NHS: variants seen among roughly 807,000 people sequenced by gnomAD.
NHS encodes actin remodeling regulator NHS.
NHS carries 5 observed loss-of-function variants against 72.5 expected under a neutral mutation model. The ratio of observed to expected loss-of-function variants is 0.07; its 90% CI spans 0.04 to 0.14. NHS has a LOEUF of 0.14. Ranked by LOEUF, NHS falls within the 10% of genes least tolerant of loss-of-function variation. NHS has a pLI of 1.00. For missense variants in NHS, 1,072 were observed against 1,355.7 expected (o/e 0.79, Z 3.29); for synonymous variants, 464 against 547.7 (o/e 0.85, Z 2.13).
intron 1 of NHS, among the ~76,000 whole-genome samples, chrX:17,538,371 G>C (rs1382916956): frequency 9.0e-6 from 1 of 111,504 alleles, no homozygotes; most frequent in Non-Finnish European, 1.9e-5. Flanking sequence ...GTTAGGGCCT[G>C]GAGAGGTAAC....
At chrX:17,683,919 C>G (rs2066143969) in intron 1 of NHS, among the ~76,000 whole-genome samples, 1 of 111,516 alleles carries the variant, frequency 9.0e-6, no homozygotes, top group South Asian at 3.8e-4. Context: ...ATGTCCCCAC[C>G]CAAATCTCAT....
intron 1 of NHS, among the ~76,000 whole-genome samples, chrX:17,678,985 C>T (rs1362478465): frequency 9.0e-6 from 1 of 111,107 alleles, no homozygotes; most frequent in East Asian, 2.8e-4. Context: ...GACATGTCAA[C>T]TTTATCTAAT....
intron 1 of NHS, among the ~76,000 whole-genome samples, chrX:17,566,630 TCTCCTGCTCTG>T (rs1266370189): frequency 9.0e-6 from 1 of 111,600 alleles, no homozygotes; most frequent in Non-Finnish European, 1.9e-5. Context: ...TTGTCTTCCA[TCTCCTGCTCTG>T]CTTTGTAAGA....
At chrX:17,434,679 G>A (rs1377322267) in intron 1 of NHS, among the ~76,000 whole-genome samples, 1 of 110,539 alleles carries the variant, frequency 9.0e-6, no homozygotes, top group Non-Finnish European at 1.9e-5. Context: ...TCCTGATCTC[G>A]TGATCCACCT....
intron 1 of NHS, among the ~76,000 whole-genome samples, chrX:17,629,331 G>A (rs1385960113): frequency 9.0e-6 from 1 of 111,601 alleles, no homozygotes; most frequent in African/African-American, 3.3e-5. Flanking sequence ...TCTCTTTTTT[G>A]CAGCACTCCT....
At chrX:17,693,032 A>G (rs2082298001) in intron 3 of NHS, among the ~76,000 whole-genome samples, 1 of 111,867 alleles carries the variant, frequency 8.9e-6, no homozygotes, top group Admixed American at 9.5e-5. Context: ...ACGAAAAATT[A>G]CCATTTGAAG....
chrX:17,421,199 C>G (rs1253322604), intron 1 of NHS, among the ~76,000 whole-genome samples: 4 of 108,239 alleles, frequency 3.7e-5, no homozygotes, highest in Non-Finnish European at 5.7e-5. Flanking sequence ...ATGAGCTGCC[C>G]AGGCAGCCAC....
chrX:17,553,738 G>T (rs1049584598), intron 1 of NHS, among the ~76,000 whole-genome samples: 1 of 111,499 alleles, frequency 9.0e-6, no homozygotes, highest in African/African-American at 3.3e-5. Flanking sequence ...AGCCCATGTG[G>T]CTACCTGGAA....
chrX:17,627,591 A>T (rs745566103), intron 1 of NHS, among the ~76,000 whole-genome samples: 8 of 112,436 alleles, frequency 7.1e-5, no homozygotes. Context: ...TCATCAAGAG[A>T]TGAACCAAAG....
In NHS at chrX:17,583,396, G is replaced by A. The variant is rs74930265; in HGVS notation, c.566-104346G>A. Among the ~76,000 whole-genome samples, 497 of 111,774 alleles carry A rather than the reference G, an allele frequency of 4.4e-3. 1 individual carries two copies. The highest frequency in any genetic ancestry group is 6.5e-3 in the Non-Finnish European group (343 of 53,083). The stretch of plus-strand genomic sequence containing the variant: ...ATGGATCCTCTGAGGATGATGTAAC[G>A]AGCCTCCCAACTTCCAGGTGTTTAC... On this transcript the variant is annotated intron_variant, in intron 1 of 8. Coordinates refer to ENST00000676302, the MANE Select transcript of NHS (RefSeq NM_001291867.2).
chrX:17,450,602 G>T (rs1215686546), intron 1 of NHS, among the ~76,000 whole-genome samples: 2 of 112,234 alleles, frequency 1.8e-5, no homozygotes, highest in Non-Finnish European at 3.8e-5. Context: ...TGGGCCGGGC[G>T]TGGTGGCTCA....
intron 1 of NHS, among the ~76,000 whole-genome samples, chrX:17,452,699 C>G (rs1182190384): frequency 9.0e-6 from 1 of 111,441 alleles, no homozygotes; most frequent in African/African-American, 3.3e-5. Context: ...ATTTTCAAGC[C>G]ACATCATTGG....
intron 3 of NHS, among the ~76,000 whole-genome samples, chrX:17,702,716 C>T (rs890132090): frequency 4.5e-5 from 5 of 111,497 alleles, no homozygotes; most frequent in Non-Finnish European, 9.4e-5. Context: ...TGCTATACAA[C>T]CAAAAGGGGA....
At chrX:17,458,689 C>T (rs918908073) in intron 1 of NHS, among the ~76,000 whole-genome samples, 11 of 111,555 alleles carry the variant, frequency 9.9e-5, no homozygotes, top group African/African-American at 2.9e-4. Flanking sequence ...GTTGGGGTTT[C>T]GCCATGTTAG....
chrX:17,427,370 G>A (rs954291506), intron 1 of NHS, among the ~76,000 whole-genome samples: 4 of 112,133 alleles, frequency 3.6e-5, no homozygotes, highest in Admixed American at 9.4e-5. Flanking sequence ...GCCAAAATAC[G>A]TGTCTCTGGG....
intron 1 of NHS, among the ~76,000 whole-genome samples, chrX:17,398,279 A>T (rs2064486107): frequency 8.9e-6 from 1 of 111,737 alleles, no homozygotes; most frequent in African/African-American, 3.3e-5. Flanking sequence ...GTAACCTATC[A>T]TTTGAGGAAA....
At chrX:17,634,684 C>T (rs769521650) in intron 1 of NHS, among the ~76,000 whole-genome samples, 19 of 83,720 alleles carry the variant, frequency 2.3e-4, no homozygotes, top group Admixed American at 3.9e-4. Flanking sequence ...ATCAGCATCA[C>T]GAGAGTCTAA....
intron 1 of NHS, among the ~76,000 whole-genome samples, chrX:17,521,171 G>A (rs1278858207): frequency 9.0e-6 from 1 of 111,606 alleles, no homozygotes; most frequent in Non-Finnish European, 1.9e-5. Flanking sequence ...TTATATCCAT[G>A]GTGGGAATAG....
At chrX:17,479,979 C>A (rs6629226) in intron 1 of NHS, among the ~76,000 whole-genome samples, 1 of 110,153 alleles carries the variant, frequency 9.1e-6, no homozygotes, top group Non-Finnish European at 1.9e-5. Flanking sequence ...TGCCTATGTC[C>A]TGAATGGTAT....
Sources: gnomAD v4.1 joint callset for allele counts (sites outside exome capture counted in the v4.1 genomes callset) on GRCh38, gnomAD v4.1.1 for gene constraint, MANE v1.5 for transcripts, NCBI Gene and HGNC (gene_info 2026-07-23, HGNC 2026-07-21) for gene names.